The following AXIN1 variants were observed in gnomAD, a reference collection of about 807,000 sequenced individuals.
AXIN1 encodes axin-1.
In AXIN1, 30 loss-of-function variants were observed where a neutral mutation model predicts 76.4. The observed-to-expected ratio is 0.39, with a 90% CI of 0.29 to 0.53. AXIN1 has a LOEUF of 0.53. Among genes scored for constraint, AXIN1 ranks in the 20% least tolerant of loss-of-function variants. AXIN1 has a pLI of 0.66. For synonymous variants in AXIN1, 545 were observed against 501.4 expected, an observed-to-expected ratio of 1.09 and a Z score of -1.16; for missense variants, 1,140 against 1,198.8, an observed-to-expected ratio of 0.95 and a Z score of 0.72.
rs2052501373 is a variant in AXIN1, at chr16:289,754, C to T, written c.2295-147G>A. 7 of 959,218 alleles carry T rather than the reference C, an allele frequency of 7.3e-6. No individual in the cohort carries two copies. The East Asian group carries it at 1.3e-4, about 18-fold the overall frequency. 59.4% of individuals were successfully genotyped at this position (959,218 alleles called of 1,614,324 possible). A position where few individuals can be genotyped will look rare whatever the true frequency, so the allele number is the denominator to read the frequency against. ...TTCAAACACCTGGGGCCCGCAGCCC[C>T]CGCACAGCATCTCAATCTGGGATCT... On this transcript the variant is annotated intron_variant, in intron 9 of 10. Coordinates refer to ENST00000262320, the MANE Select transcript of AXIN1 (RefSeq NM_003502.4).
intron 1 of AXIN1, among the ~76,000 whole-genome samples, chr16:348,901 A>G (rs561603745): frequency 8.5e-5 from 13 of 152,128 alleles, no homozygotes; most frequent in African/African-American, 3.1e-4. Context: ...GATCGAGACC[A>G]TCCTGGCTAA....
chr16:313,270 C>T (rs2053224294), intron 3 of AXIN1, among the ~76,000 whole-genome samples: 1 of 152,210 alleles, frequency 6.6e-6, no homozygotes, highest in Admixed American at 6.5e-5. Context: ...CCATTGCAGT[C>T]CAGCCTGGGT....
intron 2 of AXIN1, among the ~76,000 whole-genome samples, chr16:321,396 C>T (rs569946371): frequency 6.4e-4 from 98 of 152,342 alleles, no homozygotes; most frequent in African/African-American, 2.1e-3. Flanking sequence ...TGCCCCACCC[C>T]GCCAAGACTT....
At chr16:326,469 C>T (rs1288493001) in intron 2 of AXIN1, among the ~76,000 whole-genome samples, 1 of 150,406 alleles carries the variant, frequency 6.6e-6, no homozygotes, top group African/African-American at 2.4e-5. Context: ...TGATTGAGAG[C>T]CGGACACGGT....
At chr16:335,141 A>T (rs984748902) in intron 2 of AXIN1, among the ~76,000 whole-genome samples, 1 of 152,172 alleles carries the variant, frequency 6.6e-6, no homozygotes, top group Non-Finnish European at 1.5e-5. Context: ...TTTTTTGTTC[A>T]CCATGGAAAT....
At chr16:302,272 A>G (rs2052893789) in intron 5 of AXIN1, among the ~76,000 whole-genome samples, 1 of 152,196 alleles carries the variant, frequency 6.6e-6, no homozygotes, top group Admixed American at 6.5e-5. Flanking sequence ...GACTGTGGAG[A>G]AGGTGAACTT....
At chr16:335,748 T>C (rs1438876463) in intron 2 of AXIN1, among the ~76,000 whole-genome samples, 1 of 152,196 alleles carries the variant, frequency 6.6e-6, no homozygotes, top group Non-Finnish European at 1.5e-5. Context: ...AGTGGGAATA[T>C]GGAAGACTTC....
At chr16:326,477 G>A (rs529790393) in intron 2 of AXIN1, among the ~76,000 whole-genome samples, 1 of 150,716 alleles carries the variant, frequency 6.6e-6, no homozygotes, top group African/African-American at 2.4e-5. Flanking sequence ...AGCCGGACAC[G>A]GTGGTTCACA....
intron 2 of AXIN1, among the ~76,000 whole-genome samples, chr16:338,934 A>T (rs2053859536): frequency 6.6e-6 from 1 of 151,994 alleles, no homozygotes; most frequent in Non-Finnish European, 1.5e-5. Context: ...GGGGAAAAAA[A>T]AAAAAAGTGG....
At chr16:323,933 G>A (rs1196360759) in intron 2 of AXIN1, among the ~76,000 whole-genome samples, 1 of 152,166 alleles carries the variant, frequency 6.6e-6, no homozygotes, top group Non-Finnish European at 1.5e-5. Flanking sequence ...ATGGAATACG[G>A]CACAGAATGA....
intron 4 of AXIN1, among the ~76,000 whole-genome samples, chr16:309,240 G>C (rs1341013635): frequency 2.0e-5 from 3 of 151,522 alleles, no homozygotes; most frequent in South Asian, 2.1e-4. Flanking sequence ...TGAGGCAGGA[G>C]AATGACGTGA....
intron 7 of AXIN1, among the ~76,000 whole-genome samples, chr16:295,548 C>T (rs957190092): frequency 6.7e-6 from 1 of 149,418 alleles, no homozygotes; most frequent in African/African-American, 2.5e-5. Flanking sequence ...GAGACTCTGT[C>T]GCAAAAAATT....
chr16:352,530 C>CGCGGGGCAGGCCGCGGGG lies in AXIN1; in HGVS notation c.-261_-244dup. On this transcript the variant is annotated 5_prime_UTR_variant, in exon 1 of 11. Coordinates refer to ENST00000262320, the MANE Select transcript of AXIN1 (RefSeq NM_003502.4). ...TGCGGCTCGGCGGCCCGGAGGCGGA[C>CGCGGGGCAGGCCGCGGGG]GCGGGGCAGGCCGCGGGGGCGCCGC... is the stretch of plus-strand genomic sequence containing the variant. 1 of 604,008 alleles carries CGCGGGGCAGGCCGCGGGG rather than the reference C, an allele frequency of 1.7e-6. No homozygotes were observed. The highest frequency in any genetic ancestry group is 2.1e-6 in the Non-Finnish European group (1 of 484,324). The allele number at this position is 604,008 out of a possible 1,614,324, so 37.4% of individuals were successfully genotyped here.
intron 9 of AXIN1, 107 bp downstream of exon 9, chr16:291,083 G>T: frequency 3.9e-6 from 4 of 1,037,740 alleles, no homozygotes; most frequent in Non-Finnish European, 4.4e-6. Context: ...GCTTCTGAGC[G>T]TGGTACCCGA....
At chr16:314,870 C>G (rs182433750) in intron 2 of AXIN1, among the ~76,000 whole-genome samples, 187 bp from the exon 3 acceptor site, 1 of 152,226 alleles carries the variant, frequency 6.6e-6, no homozygotes, top group Non-Finnish European at 1.5e-5. Flanking sequence ...TCCTTTTCAA[C>G]GGGGTGCATT....
chr16:348,722 G>A (rs768483011), intron 1 of AXIN1, among the ~76,000 whole-genome samples: 9 of 152,092 alleles, frequency 5.9e-5, no homozygotes, highest in Non-Finnish European at 8.8e-5. Flanking sequence ...AGGATCACTT[G>A]ACCCAGGAGT....
chr16:291,714 T>G (rs2052566148), intron 8 of AXIN1: 2 of 315,296 alleles, frequency 6.3e-6, no homozygotes, highest in Non-Finnish European at 1.2e-5. Context: ...GGTCTGCACC[T>G]CAGGGAGGCT....
chr16:330,247 G>C (rs1027425934), intron 2 of AXIN1, among the ~76,000 whole-genome samples: 1 of 151,738 alleles, frequency 6.6e-6, no homozygotes, highest in African/African-American at 2.4e-5. Flanking sequence ...TTTTTTTCTA[G>C]AGATGGGGGT....
intron 1 of AXIN1, 52 bp from the exon 2 acceptor site, chr16:347,158 A>G: frequency 1.3e-6 from 2 of 1,514,362 alleles, no homozygotes; most frequent in Non-Finnish European, 1.8e-6. Flanking sequence ...TCCATGAAAC[A>G]CGACCAGAGG....
Sources: gnomAD v4.1 joint callset for allele counts (sites outside exome capture counted in the v4.1 genomes callset) on GRCh38, gnomAD v4.1.1 for gene constraint, MANE v1.5 for transcripts, NCBI Gene and HGNC (gene_info 2026-07-23, HGNC 2026-07-21) for gene names.